CDH13: variants seen among roughly 807,000 people sequenced by gnomAD.
The protein encoded by CDH13 is cadherin-13.
A neutral mutation model predicts 63.8 loss-of-function variants in CDH13; 24 were observed. That is an observed-to-expected ratio of 0.38 (90% CI 0.27 to 0.53). The LOEUF is 0.53. Ranked by LOEUF, CDH13 falls within the 20% of genes least tolerant of loss-of-function variation. The pLI, the probability that CDH13 is intolerant of heterozygous loss-of-function variation, is 0.85. For missense variants in CDH13, 1,049 were observed against 903.1 expected (o/e 1.16, Z -2.07); for synonymous variants, 503 against 355.3 (o/e 1.42, Z -4.67).
intron 2 of CDH13, among the ~76,000 whole-genome samples, chr16:82,946,578 T>G (rs1904739883): frequency 6.6e-6 from 1 of 151,872 alleles, no homozygotes; most frequent in African/African-American, 2.4e-5. Flanking sequence ...AAAATTAGCC[T>G]GGCGTGGTGG....
chr16:83,729,857 T>C (rs944271679), intron 10 of CDH13, among the ~76,000 whole-genome samples: 2 of 152,140 alleles, frequency 1.3e-5, no homozygotes, highest in Non-Finnish European at 2.9e-5. Flanking sequence ...AGCAAATCTG[T>C]TTGGGATTGT....
intron 2 of CDH13, among the ~76,000 whole-genome samples, chr16:82,933,075 G>A (rs540706415): frequency 2.0e-5 from 3 of 152,146 alleles, no homozygotes; most frequent in East Asian, 1.9e-4. Flanking sequence ...CTTTAGGAAG[G>A]CTGAATCAAA....
intron 1 of CDH13, among the ~76,000 whole-genome samples, chr16:82,766,134 A>G (rs1436506743): frequency 2.6e-5 from 4 of 152,196 alleles, no homozygotes; most frequent in Admixed American, 2.6e-4. Context: ...GAAGCCCAAC[A>G]TGAAAATCAC....
intron 6 of CDH13, among the ~76,000 whole-genome samples, chr16:83,473,838 G>A (rs1327770773): frequency 3.9e-5 from 6 of 152,234 alleles, no homozygotes; most frequent in East Asian, 1.9e-4. Flanking sequence ...ATGGGCAAGC[G>A]GCTTTACCTC....
chr16:82,895,604 G>A (rs868029470), intron 2 of CDH13, among the ~76,000 whole-genome samples: 3 of 151,882 alleles, frequency 2.0e-5, no homozygotes, highest in Admixed American at 6.6e-5. Flanking sequence ...TAAATGACAT[G>A]CATTCACCAT....
In CDH13 at chr16:82,744,747, TCCA is replaced by T. The variant is rs770784313; in HGVS notation, c.46-113609_46-113607del. On this transcript the variant is annotated intron_variant, in intron 1 of 13. Transcript: ENST00000567109. ...TCTATACACATGATCGCATTTAAGCTCCACCACCTATTTCGAGGGCTGGATGAA... is the reference window on the plus strand; with the variant it reads ...TCTATACACATGATCGCATTTAAGCTCCACCTATTTCGAGGGCTGGATGAA... 9.9e-5 allele frequency among the ~76,000 whole-genome samples: 15 copies of T among 152,254 alleles called. 1 individual carries two copies. Among genetic ancestry groups the T allele is most frequent in the African/African-American group, 3.4e-4 (14 of 41,558 alleles).
At chr16:83,229,493 G>A (rs893985039) in intron 5 of CDH13, among the ~76,000 whole-genome samples, 1 of 151,512 alleles carries the variant, frequency 6.6e-6, no homozygotes, top group Non-Finnish European at 1.5e-5. Context: ...AAATTTTGAG[G>A]GTTTTTTTTT....
chr16:83,602,573 A>C lies in CDH13; in HGVS notation c.1080A>C (p.Ser360=), dbSNP rs771468048. The C allele has an allele frequency of 6.2e-7, 1 of 1,613,980 alleles. No homozygotes were observed. Among genetic ancestry groups the C allele is most frequent in the Non-Finnish European group, 8.5e-7 (1 of 1,179,870 alleles). Residue 360 remains serine (S), a synonymous_variant, in exon 8 of 14, where the codon TCA becomes TCC. Transcript: ENST00000567109. ...TGATCGATGACAAAAATGATCACTC[A>C]CCAAAATTCACCAAGAAAGAGGTAA... is the stretch of plus-strand genomic sequence containing the variant. The part of the protein sequence containing the change: ...TIMIDDKNDH[S]PKFTKKEFQA...
intron 8 of CDH13, among the ~76,000 whole-genome samples, chr16:83,666,478 C>G (rs1164930481): frequency 6.6e-6 from 1 of 152,076 alleles, no homozygotes; most frequent in Non-Finnish European, 1.5e-5. Context: ...TAGATTTAAA[C>G]GTAACCCAGT....
Position 83,356,212 on chromosome 16 carries a change from ATGTGTGTGTGTGTG to A in CDH13, c.781+11246_781+11259del, listed in dbSNP as rs10525181. 1.1e-3 allele frequency among the ~76,000 whole-genome samples: 158 copies of A among 138,756 alleles called. 1 individual carries two copies. Among genetic ancestry groups the A allele is most frequent in the African/African-American group, 2.1e-3 (83 of 38,642 alleles). 91.0% of individuals were successfully genotyped at this position (138,756 alleles called of 152,430 possible). ...CAGATGAGTGAGTTTATTTATTTTC[ATGTGTGTGTGTGTG>A]TGTGTGTGTGTGTGTGTGTGTGTGT... is the stretch of plus-strand genomic sequence containing the variant. On this transcript the variant is annotated intron_variant, in intron 6 of 13. Coordinates refer to ENST00000567109, the MANE Select transcript of CDH13 (RefSeq NM_001257.5).
chr16:82,754,502 G>A lies in CDH13; in HGVS notation c.46-103860G>A, dbSNP rs140380409. 5.5e-3 allele frequency among the ~76,000 whole-genome samples: 842 copies of A among 152,158 alleles called. 9 individuals are homozygous for A. The highest frequency in any genetic ancestry group is 0.019 in the African/African-American group (771 of 41,516). On this transcript the variant is annotated intron_variant, in intron 1 of 13. Transcript: ENST00000567109. ...TCTAGAAAAGGGGTCACTGTTTGTA[G>A]GAATTGTCTAGGATTCCTGAGAACT... is the stretch of plus-strand genomic sequence containing the variant.
chr16:83,608,183 T>G (rs1908522898), intron 8 of CDH13, among the ~76,000 whole-genome samples: 1 of 152,250 alleles, frequency 6.6e-6, no homozygotes, highest in South Asian at 2.1e-4. Context: ...CTTTCTAAGG[T>G]AAATGTTTTG....
At chr16:82,704,520 A>G (rs778052414) in intron 1 of CDH13, among the ~76,000 whole-genome samples, 4 of 152,186 alleles carry the variant, frequency 2.6e-5, no homozygotes, top group Non-Finnish European at 4.4e-5. Flanking sequence ...GACCTAAGGG[A>G]GATAGACAGG....
At chr16:83,782,484 C>G (rs1164124367) in intron 12 of CDH13, among the ~76,000 whole-genome samples, 2 of 152,042 alleles carry the variant, frequency 1.3e-5, no homozygotes, top group African/African-American at 2.4e-5. Flanking sequence ...ACCTGTAATC[C>G]CAGCATTTTG....
intron 2 of CDH13, among the ~76,000 whole-genome samples, chr16:82,915,332 C>A (rs898874078): frequency 1.3e-5 from 2 of 152,190 alleles, no homozygotes; most frequent in African/African-American, 2.4e-5. Flanking sequence ...CAGTGGTTCT[C>A]TGGGTACGTC....
At chr16:83,792,191 G>A (rs962626263) in intron 13 of CDH13, among the ~76,000 whole-genome samples, 7 of 152,366 alleles carry the variant, frequency 4.6e-5, no homozygotes, top group Admixed American at 4.6e-4. Flanking sequence ...GACGGCCGCG[G>A]TCATGCTTTG....
chr16:83,384,678 T>C (rs2091637991), intron 6 of CDH13, among the ~76,000 whole-genome samples: 1 of 152,166 alleles, frequency 6.6e-6, no homozygotes. Flanking sequence ...GGGAGAGTGG[T>C]GAAGAGGAGG....
chr16:83,132,702 A>G lies in CDH13; in HGVS notation c.483+7201A>G, dbSNP rs970871882. On this transcript the variant is annotated intron_variant, in intron 4 of 13. Coordinates refer to ENST00000567109, the MANE Select transcript of CDH13 (RefSeq NM_001257.5). ...CTCGGCCTCCCAAAGGGTGGGGATT[A>G]CAAGCATGAGCACCTGGCCTTAATT... 1.8e-4 allele frequency among the ~76,000 whole-genome samples: 28 copies of G among 152,086 alleles called. 1 individual carries two copies. The highest frequency in any genetic ancestry group is 1.7e-3 in the Admixed American group (26 of 15,264).
chr16:82,714,683 C>T (rs1217357558), intron 1 of CDH13, among the ~76,000 whole-genome samples: 2 of 137,944 alleles, frequency 1.4e-5, no homozygotes, highest in South Asian at 2.6e-4. Flanking sequence ...CACTGCACTC[C>T]AGCCTAGGCG....
Sources: gnomAD v4.1 joint callset for allele counts (sites outside exome capture counted in the v4.1 genomes callset) on GRCh38, gnomAD v4.1.1 for gene constraint, MANE v1.5 for transcripts, NCBI Gene and HGNC (gene_info 2026-07-23, HGNC 2026-07-21) for gene names.